The following BID variants were observed in gnomAD, a reference collection of about 807,000 sequenced individuals.
BID encodes BH3 interacting domain death agonist, also known as BH3-interacting domain death agonist.
In BID, 19 loss-of-function variants were observed where a neutral mutation model predicts 17.4. That is an observed-to-expected ratio of 1.09 (90% CI 0.76 to 1.60). The LOEUF (loss-of-function observed/expected upper bound fraction) is 1.60. Among genes scored for constraint, BID ranks in the 40% most tolerant of loss-of-function variants. The probability of loss-of-function intolerance (pLI) is 0.00; values close to 1 mark genes in which losing one functional copy is unlikely to be tolerated. For missense variants in BID, 226 were observed against 256.0 expected, an observed-to-expected ratio of 0.88 and a Z score of 0.80; for synonymous variants, 108 against 102.8, an observed-to-expected ratio of 1.05 and a Z score of -0.31.
Position 17,773,992 on chromosome 22 carries a change from C to G in BID, c.-59+389G>C. The G allele has an allele frequency of 2.1e-6, 1 of 485,564 alleles. No homozygotes were observed. The allele number at this position is 485,564 out of a possible 1,614,324, so 30.1% of individuals were successfully genotyped here. On this transcript the variant is annotated intron_variant, in intron 1 of 5. Transcript: ENST00000622694. This position sits in a 1 kb window ranked among gnomAD's most constrained non-coding sequence, Gnocchi z 4.4. ...GATCCGCCGGCAAGGGTGGCCTGCA[C>G]CCGGCCAGGCCCGCGGGTTTTCTCC... is the stretch of plus-strand genomic sequence containing the variant.
intron 1 of BID, among the ~76,000 whole-genome samples, chr22:17,764,569 A>C (rs1213914705): frequency 6.6e-6 from 1 of 152,254 alleles, no homozygotes; most frequent in Non-Finnish European, 1.5e-5. Flanking sequence ...ATCAATGCCC[A>C]ATTCTGAGTG....
At position 17,746,591 on chromosome 22, in the gene BID, C is replaced by A. The variant is rs138779798; in HGVS notation, c.13-2578G>T. On this transcript the variant is annotated intron_variant, in intron 2 of 5. Transcript: ENST00000622694. Reference sequence around the variant, plus strand: ...TCACCCAAAAAGAAAAGCGCAAGTCCTAACCCCAAGTACCTGTCAATGTGA... The same window carrying A: ...TCACCCAAAAAGAAAAGCGCAAGTCATAACCCCAAGTACCTGTCAATGTGA... Among the ~76,000 whole-genome samples, 210 of 152,336 alleles carry A rather than the reference C, an allele frequency of 1.4e-3. 1 individual carries two copies. The highest frequency in any genetic ancestry group is 4.7e-3 in the African/African-American group (197 of 41,578).
chr22:17,774,076 C>A, intron 1 of BID: 1 of 312,958 alleles, frequency 3.2e-6, no homozygotes. Flanking sequence ...TCCCCTGAAT[C>A]CCCAGGCCAC....
intron 1 of BID, among the ~76,000 whole-genome samples, chr22:17,752,811 G>T (rs1047433051): frequency 2.0e-5 from 3 of 151,902 alleles, no homozygotes; most frequent in African/African-American, 7.3e-5. Flanking sequence ...GACTACAGGT[G>T]CCCGCCACCA....
intron 3 of BID, among the ~76,000 whole-genome samples, chr22:17,741,795 C>T (rs570950168): frequency 6.6e-5 from 10 of 152,256 alleles, no homozygotes; most frequent in South Asian, 4.1e-4. Context: ...CATTTATAGC[C>T]GCTGGGCTTT....
At chr22:17,752,641 A>G (rs2061547895) in intron 1 of BID, among the ~76,000 whole-genome samples, 1 of 151,574 alleles carries the variant, frequency 6.6e-6, no homozygotes, top group African/African-American at 2.4e-5. Flanking sequence ...ACCACTAAAG[A>G]CAGGGCTGTG....
In BID at chr22:17,769,549, G is replaced by GGCTGT. The variant is rs1054696213; in HGVS notation, c.-59+4827_-59+4831dup. Among the ~76,000 whole-genome samples, 9 of 152,366 alleles carry GGCTGT rather than the reference G, an allele frequency of 5.9e-5. No individual in the cohort carries two copies. The South Asian group carries it at 1.7e-3, about 28-fold the overall frequency. ...TGTGGGCCACAGAGAAGCACCCTGA[G>GGCTGT]GCTGTGCTGTCATCCAGAGTGCCAC... On this transcript the variant is annotated intron_variant, in intron 1 of 5. Coordinates refer to ENST00000622694, the MANE Select transcript of BID (RefSeq NM_001196.4). This position sits in a 1 kb window ranked among gnomAD's most constrained non-coding sequence, Gnocchi z 4.8.
chr22:17,768,634 G>A (rs1355955201), intron 1 of BID, among the ~76,000 whole-genome samples: 1 of 152,234 alleles, frequency 6.6e-6, no homozygotes, highest in Non-Finnish European at 1.5e-5. Flanking sequence ...AGCACTTTGG[G>A]AGGCCGAGGC....
intron 1 of BID, among the ~76,000 whole-genome samples, chr22:17,772,533 G>A (rs558891263): frequency 6.6e-6 from 1 of 152,312 alleles, no homozygotes; most frequent in Admixed American, 6.5e-5. Flanking sequence ...CACAGTCCTC[G>A]GTCACGTCGA....
chr22:17,762,084 G>A (rs1037992726), intron 1 of BID, among the ~76,000 whole-genome samples: 2 of 151,898 alleles, frequency 1.3e-5, no homozygotes, highest in Non-Finnish European at 2.9e-5. Flanking sequence ...GGGGCTGAGC[G>A]AAAGAGATAC....
intron 1 of BID, among the ~76,000 whole-genome samples, chr22:17,768,957 G>A (rs2061699067): frequency 6.6e-6 from 1 of 151,736 alleles, no homozygotes; most frequent in South Asian, 2.1e-4. Context: ...CAGGAGAATG[G>A]CGTGAACCTG....
intron 1 of BID, among the ~76,000 whole-genome samples, chr22:17,765,788 C>T (rs113865629): frequency 6.6e-6 from 1 of 152,104 alleles, no homozygotes; most frequent in South Asian, 2.1e-4. Context: ...ATGTAACAAA[C>T]CTGCACGTTG....
At chr22:17,742,116 C>T (rs2061463693) in intron 3 of BID, among the ~76,000 whole-genome samples, 1 of 152,226 alleles carries the variant, frequency 6.6e-6, no homozygotes, top group African/African-American at 2.4e-5. Context: ...CAAAGAAACC[C>T]CGGCAGCCAG....
chr22:17,740,033 A>C (rs1016060100), intron 3 of BID: 1 of 1,577,392 alleles, frequency 6.3e-7, no homozygotes, highest in Non-Finnish European at 8.6e-7. Flanking sequence ...CTTGCCCCTC[A>C]GTCCTCCTCC....
intron 2 of BID, among the ~76,000 whole-genome samples, chr22:17,748,195 C>T (rs1185813077): frequency 2.0e-5 from 2 of 100,610 alleles, no homozygotes; most frequent in African/African-American, 8.0e-5. Context: ...GGCGACAGAG[C>T]AAAACTGCGT....
chr22:17,735,635 T>C (rs759865712), intron 5 of BID, 44 bp from the exon 6 acceptor site: 6 of 1,613,324 alleles, frequency 3.7e-6, no homozygotes, highest in Non-Finnish European at 5.1e-6. Flanking sequence ...CTAGGCTCAT[T>C]CACAAACCAG....
rs544453622 is a variant in BID, at chr22:17,734,457, G to A, written c.*1123C>T. 3.3e-5 allele frequency: 5 copies of A among 152,274 alleles called. No individual in the cohort carries two copies. Among genetic ancestry groups the A allele is most frequent in the East Asian group, 3.9e-4 (2 of 5,180 alleles). 9.4% of individuals were successfully genotyped at this position (152,274 alleles called of 1,614,324 possible). ...TGATATGGACCCAGCATCCACTGTC[G>A]TGCTTTTAAACTGATTCCTGGGACA... On this transcript the variant is annotated 3_prime_UTR_variant, in exon 6 of 6. Transcript: ENST00000622694.
chr22:17,750,599 CG>C (rs1359637310), intron 1 of BID, among the ~76,000 whole-genome samples: 1 of 152,140 alleles, frequency 6.6e-6, no homozygotes, highest in African/African-American at 2.4e-5. Flanking sequence ...GAGGCCGAGG[CG>C]GGTGGATCAT....
intron 1 of BID, 118 bp from the exon 2 acceptor site, chr22:17,750,292 C>T (rs1297943285): frequency 7.4e-6 from 6 of 814,278 alleles, no homozygotes; most frequent in Non-Finnish European, 1.2e-5. Context: ...AGGTCCTGGC[C>T]TGAGCCCCGC....
Sources: gnomAD v4.1 joint callset for allele counts (sites outside exome capture counted in the v4.1 genomes callset) on GRCh38, gnomAD v4.1.1 for gene constraint, Gnocchi (gnomAD v3.1) non-coding constraint, MANE v1.5 for transcripts, NCBI Gene and HGNC (gene_info 2026-07-23, HGNC 2026-07-21) for gene names.